PDZRN3: variants seen among roughly 807,000 people sequenced by gnomAD.
PDZRN3 encodes the protein E3 ubiquitin-protein ligase PDZRN3.
PDZRN3 carries 38 observed loss-of-function variants against 85.7 expected under a neutral mutation model. That is an observed-to-expected ratio of 0.44 (90% CI 0.34 to 0.58). The LOEUF is 0.58. Ranked by LOEUF, PDZRN3 falls within the 20% of genes least tolerant of loss-of-function variation. PDZRN3 has a pLI of 0.01. For missense variants in PDZRN3, 1,629 were observed against 1,506.4 expected, an observed-to-expected ratio of 1.08 and a Z score of -1.35; for synonymous variants, 759 against 638.0, an observed-to-expected ratio of 1.19 and a Z score of -2.86.
chr3:73,524,449 C>T lies in PDZRN3; in HGVS notation c.918+77905G>A, dbSNP rs141993269. ...TTAGCCTCTCTGAACAGATCAAGTTCGGAAAAAACAGTGAACTCTGAAAGC... is the reference window on the plus strand; with the variant it reads ...TTAGCCTCTCTGAACAGATCAAGTTTGGAAAAAACAGTGAACTCTGAAAGC... On this transcript the variant is annotated intron_variant, in intron 3 of 9. Coordinates refer to ENST00000263666, the MANE Select transcript of PDZRN3 (RefSeq NM_015009.3). Among the ~76,000 whole-genome samples, 149 of 152,278 alleles carry T rather than the reference C, an allele frequency of 9.8e-4. 1 individual carries two copies. The highest frequency in any genetic ancestry group is 2.8e-3 in the African/African-American group (116 of 41,556).
chr3:73,399,015 T>TG (rs1370561611), intron 5 of PDZRN3, among the ~76,000 whole-genome samples: 6 of 152,106 alleles, frequency 3.9e-5, no homozygotes, highest in Admixed American at 3.9e-4. Context: ...GCAGATACTG[T>TG]GGGGGCTCAG....
At chr3:73,505,485 T>A (rs550892157) in intron 3 of PDZRN3, among the ~76,000 whole-genome samples, 1 of 152,300 alleles carries the variant, frequency 6.6e-6, no homozygotes, top group South Asian at 2.1e-4. Context: ...CAATTGGTTA[T>A]TCAAATTAAA....
intron 1 of PDZRN3, among the ~76,000 whole-genome samples, chr3:73,622,311 C>G (rs537342322): frequency 6.6e-5 from 10 of 152,280 alleles, no homozygotes; most frequent in South Asian, 4.1e-4. Flanking sequence ...AACTTGCAGG[C>G]CTGGTGTGCA....
chr3:73,386,026 T>C (rs1477810505), intron 8 of PDZRN3, among the ~76,000 whole-genome samples: 1 of 151,950 alleles, frequency 6.6e-6, no homozygotes, highest in Admixed American at 6.6e-5. Context: ...TTTTTTTTTT[T>C]CAGGGTGAAA....
At chr3:73,603,876 C>T (rs957790019) in intron 2 of PDZRN3, among the ~76,000 whole-genome samples, 5 of 103,416 alleles carry the variant, frequency 4.8e-5, no homozygotes, top group Non-Finnish European at 1.1e-4. Context: ...CCCAAACACA[C>T]ACACACACAT....
chr3:73,570,688 T>C lies in PDZRN3; in HGVS notation c.918+31666A>G, dbSNP rs373528697. Among the ~76,000 whole-genome samples, 55 of 152,176 alleles carry C rather than the reference T, an allele frequency of 3.6e-4. No individual in the cohort carries two copies. In the South Asian group the frequency reaches 0.011, roughly 31 times the overall value. ...CTGATCCGGGAGCAGAGCCTTCCCA[T>C]CTACAAGGAAGCATCAATGGTGGCC... is the stretch of plus-strand genomic sequence containing the variant. On this transcript the variant is annotated intron_variant, in intron 3 of 9. Transcript: ENST00000263666.
intron 3 of PDZRN3, among the ~76,000 whole-genome samples, chr3:73,510,498 G>A (rs1022542009): frequency 6.6e-6 from 1 of 152,238 alleles, no homozygotes; most frequent in African/African-American, 2.4e-5. Flanking sequence ...CTCTATGCCA[G>A]TGAAGAGGCC....
At position 73,383,938 on chromosome 3, in the gene PDZRN3, G is replaced by A. The variant is rs1262000508; in HGVS notation, c.2628C>T (p.His876=). Residue 876 remains histidine, a synonymous_variant, in exon 10 of 10, where the codon CAC becomes CAT. Transcript: ENST00000263666. ...SPYKHAHIPA[H]AQHYQSYMQL... ...GCATGTAGCTCTGGTAGTGCTGGGCGTGCGCCGGGATGTGCGCGTGCTTGT... is the reference window on the plus strand; with the variant it reads ...GCATGTAGCTCTGGTAGTGCTGGGCATGCGCCGGGATGTGCGCGTGCTTGT... 1.9e-6 allele frequency: 3 copies of A among 1,606,704 alleles called. No homozygotes were observed. Among genetic ancestry groups the A allele is most frequent in the Middle Eastern group, 1.7e-4 (1 of 6,042 alleles).
intron 1 of PDZRN3, among the ~76,000 whole-genome samples, chr3:73,617,572 G>C (rs1177785656): frequency 1.3e-5 from 2 of 152,142 alleles, no homozygotes; most frequent in African/African-American, 4.8e-5. Context: ...GAGAATGTGA[G>C]GAGCTAAACT....
chr3:73,468,200 T>A (rs986147047), intron 3 of PDZRN3, among the ~76,000 whole-genome samples: 3 of 151,978 alleles, frequency 2.0e-5, no homozygotes, highest in African/African-American at 7.3e-5. Flanking sequence ...ATCAGAGAGA[T>A]GGCACACTGT....
At chr3:73,472,508 T>C (rs1005654083) in intron 3 of PDZRN3, among the ~76,000 whole-genome samples, 1 of 152,188 alleles carries the variant, frequency 6.6e-6, no homozygotes, top group African/African-American at 2.4e-5. Flanking sequence ...CCTCAACACA[T>C]ATGGCTGAGA....
chr3:73,442,284 G>A (rs922119613), intron 3 of PDZRN3, among the ~76,000 whole-genome samples: 2 of 152,212 alleles, frequency 1.3e-5, no homozygotes, highest in African/African-American at 2.4e-5. Context: ...GGGAAGTGGG[G>A]AGGGCATCAG....
At position 73,412,821 on chromosome 3, in the gene PDZRN3, C is replaced by A. The variant is rs560182963; in HGVS notation, c.919-8426G>T. 6.8e-4 allele frequency among the ~76,000 whole-genome samples: 103 copies of A among 152,280 alleles called. 1 individual carries two copies. In the South Asian group the frequency reaches 0.014, roughly 20 times the overall value. On this transcript the variant is annotated intron_variant, in intron 3 of 9. Transcript: ENST00000263666. Reference sequence around the variant, plus strand: ...TCAGTGAAGGTTAGCTATTTATTATCCTCATTGATTTGCAGAATCAATGTG... The same window carrying A: ...TCAGTGAAGGTTAGCTATTTATTATACTCATTGATTTGCAGAATCAATGTG...
At chr3:73,457,079 T>C (rs573919029) in intron 3 of PDZRN3, among the ~76,000 whole-genome samples, 3 of 152,296 alleles carry the variant, frequency 2.0e-5, no homozygotes, top group African/African-American at 7.2e-5. Flanking sequence ...CTACCTTAGC[T>C]CACTTTTTTT....
intron 2 of PDZRN3, among the ~76,000 whole-genome samples, chr3:73,602,815 T>TGA (rs1702534494): frequency 1.3e-5 from 2 of 152,246 alleles, no homozygotes; most frequent in Non-Finnish European, 2.9e-5. Flanking sequence ...ATTATGCTAG[T>TGA]CTGACTCTTA....
In PDZRN3 at chr3:73,624,443, G is replaced by T. The variant is rs762854016; in HGVS notation, c.383C>A (p.Ala128Glu). 2.2e-6 allele frequency: 3 copies of T among 1,334,350 alleles called. No homozygotes were observed. Among genetic ancestry groups the T allele is most frequent in the African/African-American group, 1.5e-5 (1 of 64,606 alleles). 82.7% of individuals were successfully genotyped at this position (1,334,350 alleles called of 1,614,324 possible). A position where few individuals can be genotyped will look rare whatever the true frequency, so the allele number is the denominator to read the frequency against. Residue 128 changes from alanine (A) to glutamate (E), a missense_variant, in exon 1 of 10, where the codon GCG (alanine) becomes GAG (glutamate). By Grantham distance (107) the Ala-to-Glu change is moderately radical. Transcript: ENST00000263666. Reference protein sequence around the residue: ...GQVLLRRDVEAHMRDACDARP... With the variant: ...GQVLLRRDVEEHMRDACDARP... Reference sequence around the variant, plus strand: ...CGCGTCGCAGGCGTCGCGCATGTGCGCCTCCACGTCGCGCCGCAGCAGCAC... The same window carrying T: ...CGCGTCGCAGGCGTCGCGCATGTGCTCCTCCACGTCGCGCCGCAGCAGCAC...
chr3:73,611,590 T>C (rs4677315), intron 1 of PDZRN3, among the ~76,000 whole-genome samples: 1 of 152,036 alleles, frequency 6.6e-6, no homozygotes, highest in African/African-American at 2.4e-5. Flanking sequence ...AAGCAACATG[T>C]AGAAGATTCG....
At position 73,404,370 on chromosome 3, in the gene PDZRN3, G is replaced by T; in HGVS notation, c.944C>A (p.Ala315Glu). 6.2e-7 allele frequency: 1 copy of T among 1,614,120 alleles called. No homozygotes were observed. The highest frequency in any genetic ancestry group is 8.5e-7 in the Non-Finnish European group (1 of 1,179,984). ...AGCTTCCACAGCCTGGTCATGAGTTGCTCTGGATAAGTCTCTGCCGTTGAC... is the reference window on the plus strand; with the variant it reads ...AGCTTCCACAGCCTGGTCATGAGTTTCTCTGGATAAGTCTCTGCCGTTGAC... The part of the protein sequence containing the change: ...IEVNGRDLSR[A>E]THDQAVEAFK... Residue 315 changes from alanine to glutamate, a missense_variant, in exon 4 of 10, where the codon GCA (alanine) becomes GAA (glutamate). Ala to Glu is a moderately radical substitution (Grantham distance 107, BLOSUM62 -1). Transcript: ENST00000263666.
chr3:73,563,446 CT>C (rs66955524), intron 3 of PDZRN3, among the ~76,000 whole-genome samples: 50,138 of 151,826 alleles, frequency 0.33, 8,735 homozygotes, highest in East Asian at 0.39. Context: ...TTATAATCAC[CT>C]TTACACAGAC....
Sources: gnomAD v4.1 joint callset for allele counts (sites outside exome capture counted in the v4.1 genomes callset) on GRCh38, gnomAD v4.1.1 for gene constraint, MANE v1.5 for transcripts, NCBI Gene and HGNC (gene_info 2026-07-23, HGNC 2026-07-21) for gene names.